ABCB11: variants seen among roughly 807,000 people sequenced by gnomAD.
The protein encoded by ABCB11 is bile salt export pump.
In ABCB11, 95 loss-of-function variants were observed where a neutral mutation model predicts 148.0. The observed-to-expected ratio is 0.64, with a 90% CI of 0.54 to 0.76. ABCB11 has a LOEUF of 0.76. Among genes scored for constraint, ABCB11 ranks in the 30% least tolerant of loss-of-function variants. ABCB11 has a pLI of 0.00. For missense variants in ABCB11, 1,523 were observed against 1,617.8 expected (o/e 0.94, Z 1.01); for synonymous variants, 591 against 555.4 (o/e 1.06, Z -0.90).
At position 168,932,358 on chromosome 2, in the gene ABCB11, A is replaced by C. The variant is rs373585635; in HGVS notation, c.3213+19T>G. 17 of 1,547,106 alleles carry C rather than the reference A, an allele frequency of 1.1e-5. No homozygotes were observed. The East Asian group carries it at 1.2e-4, about 11-fold the overall frequency. ...TGAACTCATCCTTTTTTATGGCTGCATAGTATTCCAACACTTACCCATTTT... is the reference window on the plus strand; with the variant it reads ...TGAACTCATCCTTTTTTATGGCTGCCTAGTATTCCAACACTTACCCATTTT... On this transcript the variant is annotated intron_variant, in intron 24 of 27. Transcript: ENST00000650372.
rs531903946 is a variant in ABCB11 at position 168,960,951 on chromosome 2, G to T, written c.2179-2823C>A. Among the ~76,000 whole-genome samples the T allele has an allele frequency of 3.4e-5, 5 of 145,638 alleles. No homozygotes were observed. The South Asian group carries it at 1.2e-3, about 34-fold the overall frequency. On this transcript the variant is annotated intron_variant, in intron 18 of 27. Coordinates refer to ENST00000650372, the MANE Select transcript of ABCB11 (RefSeq NM_003742.4). ...TCCTTGTACTTCTATTGTAGCACTG[G>T]CAGGTTGCACAGCACTTTTAAAAAA...
intron 2 of ABCB11, among the ~76,000 whole-genome samples, chr2:169,017,642 G>A (rs1006316426): frequency 4.0e-5 from 6 of 149,846 alleles, no homozygotes; most frequent in African/African-American, 1.5e-4. Context: ...GACATCCCAG[G>A]TGCTAGTGCT....
At chr2:168,930,316 T>C (rs568264397) in intron 25 of ABCB11, among the ~76,000 whole-genome samples, 3 of 152,328 alleles carry the variant, frequency 2.0e-5, no homozygotes, top group African/African-American at 7.2e-5. Context: ...TCACTCTACT[T>C]TTTCCATTCC....
intron 5 of ABCB11, among the ~76,000 whole-genome samples, chr2:168,999,789 G>A (rs992587652): frequency 1.5e-4 from 23 of 152,094 alleles, no homozygotes; most frequent in Admixed American, 6.6e-5. Flanking sequence ...CAACATTTGT[G>A]TATAGGTTTT....
intron 9 of ABCB11, among the ~76,000 whole-genome samples, chr2:168,988,235 T>C (rs776304748): frequency 1.4e-4 from 22 of 152,080 alleles, no homozygotes; most frequent in Non-Finnish European, 1.8e-4. Context: ...TTAACTGAAA[T>C]TTTGAATCCT....
intron 23 of ABCB11, 97 bp from the exon 24 acceptor site, chr2:168,932,630 G>A (rs2105891958): frequency 7.0e-7 from 1 of 1,427,788 alleles, no homozygotes; most frequent in East Asian, 2.4e-5. Flanking sequence ...GGTTCTGCCA[G>A]GAAAGGACCA....
intron 18 of ABCB11, among the ~76,000 whole-genome samples, chr2:168,960,796 A>C (rs1268075691): frequency 6.6e-6 from 1 of 151,742 alleles, no homozygotes; most frequent in African/African-American, 2.4e-5. Flanking sequence ...AAAACAATAC[A>C]AAAAATAATT....
chr2:168,951,188 C>G (rs1459968641), intron 19 of ABCB11, among the ~76,000 whole-genome samples: 2 of 151,524 alleles, frequency 1.3e-5, no homozygotes, highest in Admixed American at 1.3e-4. Context: ...TAATATGATA[C>G]CTTTAGCTTT....
chr2:168,919,624 AT>A (rs774341336), downstream of ABCB11, among the ~76,000 whole-genome samples: 409 of 125,300 alleles, frequency 3.3e-3, 2 homozygotes, highest in African/African-American at 9.0e-3. Context: ...CTGTGACCTT[AT>A]TTTTTAAAAA....
In ABCB11 at chr2:168,975,551, A is replaced by ATTTT. The variant is rs1558901176; in HGVS notation, c.1308+1025_1308+1026insAAAA. Among the ~76,000 whole-genome samples, 10 of 21,350 alleles carry ATTTT rather than the reference A, an allele frequency of 4.7e-4. 1 individual carries two copies. Among genetic ancestry groups the ATTTT allele is most frequent in the East Asian group, 3.1e-3 (1 of 322 alleles). 14.0% of individuals were successfully genotyped at this position (21,350 alleles called of 152,430 possible). On this transcript the variant is annotated intron_variant, in intron 12 of 27. Transcript: ENST00000650372. ...TATATTTATAGATAAATATATAAATACATAAATATTTTTATATTTATAGAT... is the reference window on the plus strand; with the variant it reads ...TATATTTATAGATAAATATATAAATATTTTCATAAATATTTTTATATTTATAGAT...
At chr2:169,012,270 TA>T (rs1357272679) in intron 5 of ABCB11, among the ~76,000 whole-genome samples, 1 of 152,070 alleles carries the variant, frequency 6.6e-6, no homozygotes, top group Non-Finnish European at 1.5e-5. Flanking sequence ...TATGTGCAAA[TA>T]AGCTGTTCTG....
At chr2:168,927,542 G>A (rs1015383957) in intron 25 of ABCB11, among the ~76,000 whole-genome samples, 180 bp from the exon 26 acceptor site, 2 of 152,142 alleles carry the variant, frequency 1.3e-5, no homozygotes, top group East Asian at 3.9e-4. Context: ...ATGTCTATCA[G>A]GAGTGGCATC....
At chr2:169,008,206 C>T (rs1296866796) in intron 5 of ABCB11, among the ~76,000 whole-genome samples, 1 of 152,146 alleles carries the variant, frequency 6.6e-6, no homozygotes, top group Non-Finnish European at 1.5e-5. Flanking sequence ...AGAGATGTAT[C>T]CCCTCACATG....
chr2:169,009,364 G>A (rs1430488965), intron 5 of ABCB11, among the ~76,000 whole-genome samples: 1 of 152,006 alleles, frequency 6.6e-6, no homozygotes, highest in Non-Finnish European at 1.5e-5. Context: ...TTAAGAAAAT[G>A]TGGCACATAT....
At chr2:169,018,738 C>G (rs940295676) in intron 1 of ABCB11, among the ~76,000 whole-genome samples, 3 of 152,120 alleles carry the variant, frequency 2.0e-5, no homozygotes, top group Non-Finnish European at 4.4e-5. Context: ...ATAGAGGGTA[C>G]AGGCTGAGAA....
Position 168,971,984 on chromosome 2 carries a change from C to T in ABCB11, c.1501G>A (p.Val501Met). The T allele has an allele frequency of 6.2e-7, 1 of 1,613,040 alleles. No homozygotes were observed. Among genetic ancestry groups the T allele is most frequent in the Non-Finnish European group, 8.5e-7 (1 of 1,179,404 alleles). Reference sequence around the variant, plus strand: ...GAGAACAGAACTGGCTCTTGCTCCACTATCCCAATCTGATCTCTAAGCCAC... The same window carrying T: ...GAGAACAGAACTGGCTCTTGCTCCATTATCCCAATCTGATCTCTAAGCCAC... ...IQWLRDQIGIVEQEPVLFSTT... is the reference protein window; with the variant it reads ...IQWLRDQIGIMEQEPVLFSTT... The change falls in exon 14 of 28, where the codon GTG (valine) becomes ATG (methionine). Residue 501 changes from valine to methionine, a missense_variant. Transcript: ENST00000650372.
Position 168,923,632 on chromosome 2 carries a change from G to C in ABCB11, c.3956C>G (p.Pro1319Arg). 7 of 1,613,716 alleles carry C rather than the reference G, an allele frequency of 4.3e-6. No individual in the cohort carries two copies. Among genetic ancestry groups the C allele is most frequent in the Non-Finnish European group, 5.9e-6 (7 of 1,179,832 alleles). The part of the protein sequence containing the change: ...AYYKLVTTGS[P>R]IS ...GATTCTTGCATTGGGTCAACTGATGGGGGATCCAGTGGTGACTAGTTTGTA... is the reference window on the plus strand; with the variant it reads ...GATTCTTGCATTGGGTCAACTGATGCGGGATCCAGTGGTGACTAGTTTGTA... The change falls in exon 28 of 28, where the codon CCC becomes CGC. Residue 1319 changes from proline to arginine, a missense_variant. Coordinates refer to ENST00000650372, the MANE Select transcript of ABCB11 (RefSeq NM_003742.4).
At chr2:168,993,576 A>G (rs945606233) in intron 8 of ABCB11, 135 bp downstream of exon 8, 2 of 755,838 alleles carry the variant, frequency 2.6e-6, no homozygotes, top group African/African-American at 3.6e-5. Flanking sequence ...CTGGGGAGTA[A>G]TCTAACAAAC....
intron 21 of ABCB11, among the ~76,000 whole-genome samples, chr2:168,940,534 G>T (rs1574411156): frequency 6.6e-6 from 1 of 152,066 alleles, no homozygotes. Flanking sequence ...GCTTTATGAG[G>T]TTTAAGGAAA....
Sources: allele counts gnomAD v4.1 joint callset (sites outside exome capture counted in the v4.1 genomes callset), GRCh38; gene constraint gnomAD v4.1.1; transcripts MANE v1.5; gene names NCBI Gene and HGNC (gene_info 2026-07-23, HGNC 2026-07-21).